SGCZ: variants seen among roughly 807,000 people sequenced by gnomAD.
The protein encoded by SGCZ is zeta-sarcoglycan.
In SGCZ, 40 loss-of-function variants were observed where a neutral mutation model predicts 41.3. That is an observed-to-expected ratio of 0.97 (90% CI 0.75 to 1.26). SGCZ has a LOEUF of 1.26. SGCZ is among the 50% of genes most tolerant of loss of function. SGCZ has a pLI of 0.00. For missense variants in SGCZ, 552 were observed against 369.8 expected, an observed-to-expected ratio of 1.49 and a Z score of -4.04; for synonymous variants, 206 against 137.5, an observed-to-expected ratio of 1.50 and a Z score of -3.49.
At chr8:14,639,724 G>C (rs1806959782) in intron 1 of SGCZ, among the ~76,000 whole-genome samples, 1 of 151,198 alleles carries the variant, frequency 6.6e-6, no homozygotes, top group African/African-American at 2.4e-5. Context: ...AGCTTTATCA[G>C]AATAAAACCG....
chr8:14,330,680 A>G (rs1802285372), intron 2 of SGCZ, among the ~76,000 whole-genome samples: 1 of 151,914 alleles, frequency 6.6e-6, no homozygotes, highest in Admixed American at 6.5e-5. Context: ...CAATGATCTC[A>G]TGGTAATTCA....
At chr8:14,368,715 T>C (rs1246030187) in intron 2 of SGCZ, among the ~76,000 whole-genome samples, 1 of 152,030 alleles carries the variant, frequency 6.6e-6, no homozygotes, top group Non-Finnish European at 1.5e-5. Context: ...ATCCTAAGTC[T>C]GCAGATCCTG....
At chr8:14,806,749 G>C (rs1302966792) in intron 1 of SGCZ, among the ~76,000 whole-genome samples, 1 of 152,168 alleles carries the variant, frequency 6.6e-6, no homozygotes, top group African/African-American at 2.4e-5. Flanking sequence ...GCATCATTCT[G>C]ATACCAAAGC....
At chr8:14,722,383 A>T (rs553476743) in intron 1 of SGCZ, among the ~76,000 whole-genome samples, 3 of 152,256 alleles carry the variant, frequency 2.0e-5, no homozygotes, top group African/African-American at 7.2e-5. Flanking sequence ...AATTGATTTT[A>T]TATCTTCCAT....
intron 7 of SGCZ, among the ~76,000 whole-genome samples, chr8:14,091,870 A>T (rs904186211): frequency 2.6e-5 from 4 of 151,976 alleles, no homozygotes. Flanking sequence ...TTGGTGTGTT[A>T]GTCATGAAGT....
intron 1 of SGCZ, among the ~76,000 whole-genome samples, chr8:14,939,735 T>C (rs1337284710): frequency 4.6e-5 from 7 of 152,018 alleles, no homozygotes; most frequent in Admixed American, 3.9e-4. Context: ...ACATAGAAAC[T>C]CCCAGGTAAG....
chr8:14,767,394 T>C (rs545231832), intron 1 of SGCZ, among the ~76,000 whole-genome samples: 6 of 152,338 alleles, frequency 3.9e-5, no homozygotes, highest in African/African-American at 1.4e-4. Flanking sequence ...GTGTTTTTAG[T>C]AGACCCAGGA....
At chr8:14,364,980 A>T (rs2076585756) in intron 2 of SGCZ, among the ~76,000 whole-genome samples, 2 of 152,166 alleles carry the variant, frequency 1.3e-5, no homozygotes, top group Admixed American at 6.5e-5. Context: ...TGTTTCATCT[A>T]TCAGATTTGT....
chr8:14,615,442 C>T (rs13278587), intron 1 of SGCZ, among the ~76,000 whole-genome samples: 19,038 of 152,258 alleles, frequency 0.13, 1,531 homozygotes, highest in South Asian at 0.2. Context: ...ACCCCTTCTG[C>T]TTCTGAGTAC....
At chr8:14,460,569 T>C (rs4478576) in intron 2 of SGCZ, among the ~76,000 whole-genome samples, 6,946 of 152,160 alleles carry the variant, frequency 0.046, 495 homozygotes, top group African/African-American at 0.16. Context: ...CTTCAGGGCA[T>C]AGAAAGATGT....
chr8:14,864,624 A>G (rs1803863356), intron 1 of SGCZ, among the ~76,000 whole-genome samples: 1 of 152,166 alleles, frequency 6.6e-6, no homozygotes, highest in Admixed American at 6.6e-5. Context: ...AAGTCAGAGA[A>G]ATAATAACAG....
chr8:14,304,916 C>G (rs1801304109), intron 3 of SGCZ, among the ~76,000 whole-genome samples: 1 of 152,038 alleles, frequency 6.6e-6, no homozygotes. Flanking sequence ...AAAACAGAAT[C>G]AAGCTTCAGA....
chr8:14,193,451 T>G (rs549463456), intron 4 of SGCZ, among the ~76,000 whole-genome samples: 1 of 152,068 alleles, frequency 6.6e-6, no homozygotes, highest in East Asian at 1.9e-4. Flanking sequence ...AATGGTTTAA[T>G]CATACCTTTC....
chr8:14,704,916 C>G (rs1809284841), intron 1 of SGCZ, among the ~76,000 whole-genome samples: 1 of 151,946 alleles, frequency 6.6e-6, no homozygotes, highest in Non-Finnish European at 1.5e-5. Context: ...ATCGATGCAA[C>G]TATCAGTCAA....
chr8:14,761,860 T>A (rs1799891757), intron 1 of SGCZ, among the ~76,000 whole-genome samples: 1 of 152,084 alleles, frequency 6.6e-6, no homozygotes, highest in Non-Finnish European at 1.5e-5. Flanking sequence ...CTAATCTAGA[T>A]AAGTTTTGAA....
chr8:14,357,045 T>C (rs928814567), intron 2 of SGCZ, among the ~76,000 whole-genome samples: 5 of 152,078 alleles, frequency 3.3e-5, no homozygotes, highest in Non-Finnish European at 7.4e-5. Context: ...ATAATTGAAC[T>C]AAAATATTTT....
At chr8:14,271,836 T>C (rs956064366) in intron 3 of SGCZ, among the ~76,000 whole-genome samples, 1 of 152,170 alleles carries the variant, frequency 6.6e-6, no homozygotes, top group East Asian at 1.9e-4. Flanking sequence ...ACAATTGCTG[T>C]TAAAAGCCTC....
chr8:14,441,584 C>A lies in SGCZ; in HGVS notation c.234+113148G>T, dbSNP rs73517475. 5.8e-3 allele frequency among the ~76,000 whole-genome samples: 879 copies of A among 152,190 alleles called. 10 individuals are homozygous for A. Among genetic ancestry groups the A allele is most frequent in the African/African-American group, 0.02 (839 of 41,540 alleles). ...GCAAGACCCCATCTCAAAAATAAAA[C>A]AAAATAAAATAAAAGATAAAATGAT... On this transcript the variant is annotated intron_variant, in intron 2 of 7. Coordinates refer to ENST00000382080, the MANE Select transcript of SGCZ (RefSeq NM_139167.4).
intron 5 of SGCZ, among the ~76,000 whole-genome samples, chr8:14,135,101 G>C (rs535286001): frequency 2.6e-5 from 4 of 152,122 alleles, no homozygotes; most frequent in Admixed American, 1.3e-4. Flanking sequence ...CCACCACCCA[G>C]ATCATAAATT....
Sources: gnomAD v4.1 joint callset for allele counts (sites outside exome capture counted in the v4.1 genomes callset) on GRCh38, gnomAD v4.1.1 for gene constraint, MANE v1.5 for transcripts, NCBI Gene and HGNC (gene_info 2026-07-23, HGNC 2026-07-21) for gene names.